NUMB: variants seen among roughly 807,000 people sequenced by gnomAD.
The protein encoded by NUMB is NUMB endocytic adaptor protein.
NUMB carries 29 observed loss-of-function variants against 59.7 expected under a neutral mutation model. The observed-to-expected ratio is 0.49, with a 90% CI of 0.36 to 0.66. NUMB has a LOEUF of 0.66. NUMB is among the 30% of genes least tolerant of loss of function. The pLI is 0.00. For synonymous variants in NUMB, 288 were observed against 288.2 expected, an observed-to-expected ratio of 1.00 and a Z score of 0.01; for missense variants, 723 against 822.0, an observed-to-expected ratio of 0.88 and a Z score of 1.47.
At chr14:73,437,061 TTG>T (rs1320391184) in intron 1 of NUMB, among the ~76,000 whole-genome samples, 1,325 of 120,894 alleles carry the variant, frequency 0.011, 29 homozygotes, top group African/African-American at 0.026. Flanking sequence ...TTTTTTTTTT[TTG>T]TTGAGACAGG....
intron 7 of NUMB, among the ~76,000 whole-genome samples, chr14:73,295,607 T>C (rs1244429835): frequency 1.3e-5 from 2 of 152,150 alleles, no homozygotes; most frequent in Non-Finnish European, 2.9e-5. Flanking sequence ...ATAACTAAAA[T>C]GCAGCTATAT....
At chr14:73,324,353 C>T (rs1356976303) in intron 4 of NUMB, among the ~76,000 whole-genome samples, 2 of 152,188 alleles carry the variant, frequency 1.3e-5, no homozygotes, top group Non-Finnish European at 2.9e-5. Flanking sequence ...TGTCAATCAT[C>T]TGGCCTTCAA....
chr14:73,409,327 C>T (rs539089343), intron 2 of NUMB: 19 of 152,382 alleles, frequency 1.2e-4, no homozygotes, highest in Admixed American at 8.5e-4. Flanking sequence ...GATGCTCTCT[C>T]TCTCGGAACC....
chr14:73,276,458 T>C lies in NUMB; in HGVS notation c.*120A>G. On this transcript the variant is annotated 3_prime_UTR_variant, in exon 13 of 13. Transcript: ENST00000555238. ...GTACTCTGGGCCTGGACTTGTTCCT[T>C]GGGACCTTTGGGATTAGTGAAAAGA... 1.3e-6 allele frequency: 1 copy of C among 742,876 alleles called. No homozygotes were observed. The highest frequency in any genetic ancestry group is 2.2e-6 in the Non-Finnish European group (1 of 459,474). The allele number at this position is 742,876 out of a possible 1,614,324, so 46.0% of individuals were successfully genotyped here.
At position 73,275,555 on chromosome 14, in the gene NUMB, T is replaced by C. The variant is rs1010744548; in HGVS notation, c.*1023A>G. The stretch of plus-strand genomic sequence containing the variant: ...TCCCTTCTATGGTATGATTATGTCA[T>C]GTTACCTTAGTGTTAAAGGATTAAC... On this transcript the variant is annotated 3_prime_UTR_variant, in exon 13 of 13. Coordinates refer to ENST00000555238, the MANE Select transcript of NUMB (RefSeq NM_001005743.2). The C allele has an allele frequency of 1.3e-5, 2 of 152,182 alleles. No individual in the cohort carries two copies. Among genetic ancestry groups the C allele is most frequent in the Non-Finnish European group, 2.9e-5 (2 of 68,030 alleles). The allele number at this position is 152,182 out of a possible 1,614,324, so 9.4% of individuals were successfully genotyped here.
intron 2 of NUMB, among the ~76,000 whole-genome samples, chr14:73,402,967 CTG>C (rs966601933): frequency 1.3e-5 from 2 of 152,142 alleles, no homozygotes; most frequent in Non-Finnish European, 2.9e-5. Flanking sequence ...AATCATATAA[CTG>C]TGACAGATGT....
intron 1 of NUMB, among the ~76,000 whole-genome samples, chr14:73,434,153 A>T (rs1897949822): frequency 6.6e-6 from 1 of 152,194 alleles, no homozygotes; most frequent in Admixed American, 6.5e-5. Context: ...GATATGCTCA[A>T]CAACAAAGTA....
intron 7 of NUMB, among the ~76,000 whole-genome samples, chr14:73,295,253 G>T (rs923223042): frequency 6.6e-6 from 1 of 152,016 alleles, no homozygotes; most frequent in Non-Finnish European, 1.5e-5. Context: ...TCCCAACATG[G>T]TATTAGTTCC....
At chr14:73,339,997 G>A (rs1276833568) in intron 4 of NUMB, among the ~76,000 whole-genome samples, 1 of 149,002 alleles carries the variant, frequency 6.7e-6, no homozygotes, top group African/African-American at 2.4e-5. Flanking sequence ...TGGTGGGGGG[G>A]ACACACTTGG....
intron 1 of NUMB, among the ~76,000 whole-genome samples, chr14:73,451,507 C>T (rs75514511): frequency 0.051 from 7,736 of 151,142 alleles, 645 homozygotes; most frequent in African/African-American, 0.18. Context: ...CCCAGCTACT[C>T]GGTAGCCTGA....
intron 2 of NUMB, among the ~76,000 whole-genome samples, chr14:73,400,709 G>A (rs1896370077): frequency 6.6e-6 from 1 of 152,174 alleles, no homozygotes; most frequent in Admixed American, 6.5e-5. Flanking sequence ...AATGGCCAAT[G>A]ACTTAATCAA....
intron 4 of NUMB, among the ~76,000 whole-genome samples, chr14:73,352,530 GTTTTT>G (rs71112735): frequency 1.5e-4 from 3 of 20,282 alleles, no homozygotes; most frequent in Middle Eastern, 0.045. Flanking sequence ...ATATATATAT[GTTTTT>G]TTTTTTTTTT....
chr14:73,322,106 A>G (rs1594903260), intron 5 of NUMB, among the ~76,000 whole-genome samples: 1 of 152,370 alleles, frequency 6.6e-6, no homozygotes, highest in Non-Finnish European at 1.5e-5. Context: ...GTGGCAGCCC[A>G]CCATACCAGC....
chr14:73,419,276 C>T (rs1377824174), intron 1 of NUMB, among the ~76,000 whole-genome samples: 1 of 152,020 alleles, frequency 6.6e-6, no homozygotes, highest in Admixed American at 6.6e-5. Flanking sequence ...TTTGGGAGGC[C>T]GAGGCGGGCG....
At chr14:73,315,484 C>T (rs942305117) in intron 6 of NUMB, among the ~76,000 whole-genome samples, 4 of 152,116 alleles carry the variant, frequency 2.6e-5, no homozygotes, top group African/African-American at 7.2e-5. Context: ...GATCTGAACA[C>T]TGAATAATCA....
At chr14:73,394,414 A>G (rs1896017570) in intron 2 of NUMB, among the ~76,000 whole-genome samples, 1 of 150,402 alleles carries the variant, frequency 6.6e-6, no homozygotes, top group Non-Finnish European at 1.5e-5. Flanking sequence ...TTAAAAAAAA[A>G]AAAAAAAAAG....
chr14:73,439,472 T>C (rs889786471), intron 1 of NUMB, among the ~76,000 whole-genome samples: 2 of 152,162 alleles, frequency 1.3e-5, no homozygotes, highest in African/African-American at 4.8e-5. Flanking sequence ...TATATTTTTG[T>C]TATTTTGAAA....
At chr14:73,309,020 T>C (rs955387733) in intron 6 of NUMB, among the ~76,000 whole-genome samples, 2 of 152,188 alleles carry the variant, frequency 1.3e-5, no homozygotes, top group African/African-American at 4.8e-5. Context: ...GAAGATGGTA[T>C]ATTTTTATGC....
intron 4 of NUMB, among the ~76,000 whole-genome samples, chr14:73,346,219 C>T (rs991881347): frequency 2.2e-4 from 33 of 152,106 alleles, no homozygotes; most frequent in Non-Finnish European, 7.4e-5. Context: ...GTGGCTCATG[C>T]CTGTAACCCA....
Sources: gnomAD v4.1 joint callset for allele counts (sites outside exome capture counted in the v4.1 genomes callset) on GRCh38, gnomAD v4.1.1 for gene constraint, MANE v1.5 for transcripts, NCBI Gene and HGNC (gene_info 2026-07-23, HGNC 2026-07-21) for gene names.